The following ACSS3 variants were observed in gnomAD, a reference collection of about 807,000 sequenced individuals.
ACSS3 encodes the protein acyl-CoA synthetase short-chain family member 3, mitochondrial.
In ACSS3, 64 loss-of-function variants were observed where a neutral mutation model predicts 84.2. That is an observed-to-expected ratio of 0.76 (90% confidence interval 0.62 to 0.94). The LOEUF is 0.94. Ranked by LOEUF, ACSS3 falls within the 40% of genes least tolerant of loss-of-function variation. The pLI is 0.00. For synonymous variants in ACSS3, 317 were observed against 310.1 expected (o/e 1.02, Z -0.23); for missense variants, 815 against 867.6 (o/e 0.94, Z 0.76).
chr12:81,159,209 A>T (rs1887029445), intron 7 of ACSS3, among the ~76,000 whole-genome samples: 1 of 152,086 alleles, frequency 6.6e-6, no homozygotes, highest in African/African-American at 2.4e-5. Flanking sequence ...GAACACCTGT[A>T]TTTAAGTAGT....
Position 81,233,392 on chromosome 12 carries a change from G to A in ACSS3, c.1640G>A (p.Gly547Asp), listed in dbSNP as rs756610362. 74 of 1,610,908 alleles carry A rather than the reference G, an allele frequency of 4.6e-5. No homozygotes were observed. Among genetic ancestry groups the A allele is most frequent in the Non-Finnish European group, 6.3e-5 (74 of 1,177,874 alleles). Residue 547 changes from glycine to aspartate, a missense_variant, in exon 13 of 16, where the codon GGC becomes GAC. Transcript: ENST00000548058. ...TMDAGYMDEE[G>D]YLYVMSRVDD... Reference sequence around the variant, plus strand: ...GATGCTGGTTACATGGATGAAGAAGGCTATTTGTATGTTATGTCTCGAGTG... The same window carrying A: ...GATGCTGGTTACATGGATGAAGAAGACTATTTGTATGTTATGTCTCGAGTG...
intron 2 of ACSS3, among the ~76,000 whole-genome samples, chr12:81,131,066 C>A (rs982582954): frequency 6.6e-6 from 1 of 152,160 alleles, no homozygotes; most frequent in Non-Finnish European, 1.5e-5. Context: ...TAACGTGATG[C>A]CTCCAGCTTT....
chr12:81,213,838 C>CTTCTCTTCT (rs1334506223), intron 9 of ACSS3, among the ~76,000 whole-genome samples: 2 of 106,796 alleles, frequency 1.9e-5, no homozygotes, highest in African/African-American at 6.4e-5. Context: ...CTTCTCTTCT[C>CTTCTCTTCT]TTCTCTCCTC....
intron 7 of ACSS3, among the ~76,000 whole-genome samples, chr12:81,157,699 C>T (rs779792467): frequency 4.3e-4 from 66 of 151,858 alleles, no homozygotes; most frequent in Non-Finnish European, 1.5e-4. Context: ...CCCAGCTACT[C>T]GGGAGGCTGA....
intron 8 of ACSS3, among the ~76,000 whole-genome samples, chr12:81,189,865 A>AG (rs1424850171): frequency 1.3e-5 from 2 of 152,144 alleles, no homozygotes; most frequent in Non-Finnish European, 2.9e-5. Context: ...GACATGAAGT[A>AG]AGGCGCTGAG....
intron 15 of ACSS3, 116 bp downstream of exon 15, chr12:81,253,786 A>G (rs2136021077): frequency 3.0e-6 from 3 of 987,924 alleles, no homozygotes; most frequent in South Asian, 1.7e-5. Flanking sequence ...TAGAAAACAC[A>G]TAATAGTACT....
rs769687967 is a variant in ACSS3 at position 81,078,418 on chromosome 12, C to T, written c.298C>T (p.Pro100Ser). Reference sequence around the variant, plus strand: ...CAAAACGCTGGAGAACAAACACTCGCCCTCTACCAGGTGGTGAGTGACTTC... The same window carrying T: ...CAAAACGCTGGAGAACAAACACTCGTCCTCTACCAGGTGGTGAGTGACTTC... ...WTKTLENKHSPSTRWFVEGML... is the reference protein window; with the variant it reads ...WTKTLENKHSSSTRWFVEGML... Residue 100 changes from proline (P) to serine (S), a missense_variant, in exon 1 of 16, where the codon CCC becomes TCC. By Grantham distance (74) the Pro-to-Ser change is moderately conservative. Coordinates refer to ENST00000548058, the MANE Select transcript of ACSS3 (RefSeq NM_024560.4). 6.2e-7 allele frequency: 1 copy of T among 1,612,424 alleles called. No individual in the cohort carries two copies. The highest frequency in any genetic ancestry group is 8.5e-7 in the Non-Finnish European group (1 of 1,180,030).
rs2034361466 is a variant in ACSS3, at chr12:81,257,794, T to C, written c.*2872T>C. On this transcript the variant is annotated 3_prime_UTR_variant, in exon 16 of 16. Coordinates refer to ENST00000548058, the MANE Select transcript of ACSS3 (RefSeq NM_024560.4). ...AATCCATTAAATGGATTTTAGAATC[T>C]AGTAGAAGTTATCTTTCTTATAAAT... The C allele has an allele frequency of 1.3e-5, 2 of 152,280 alleles. No individual in the cohort carries two copies. The highest frequency in any genetic ancestry group is 2.1e-4 in the South Asian group (1 of 4,822). 9.4% of individuals were successfully genotyped at this position (152,280 alleles called of 1,614,324 possible).
intron 2 of ACSS3, 96 bp from the exon 3 acceptor site, chr12:81,134,720 C>G: frequency 1.8e-6 from 2 of 1,132,568 alleles, no homozygotes; most frequent in South Asian, 5.8e-5. Context: ...AATCTACTAC[C>G]AAGCGGGTGA....
rs1188963286 is a variant in ACSS3, at chr12:81,078,363, C to G, written c.243C>G (p.Ala81=). The G allele has an allele frequency of 8.7e-6, 14 of 1,612,504 alleles. No individual in the cohort carries two copies. In the Admixed American group the frequency reaches 2.3e-4, roughly 27 times the overall value. Residue 81 remains alanine (A), a synonymous_variant, in exon 1 of 16, where the codon GCC becomes GCG. Coordinates refer to ENST00000548058, the MANE Select transcript of ACSS3 (RefSeq NM_024560.4). ...TDPERFWGKA[A]EQISWYKPWT... Reference sequence around the variant, plus strand: ...CCGAGAGGTTCTGGGGCAAAGCTGCCGAGCAGATCAGCTGGTACAAGCCCT... The same window carrying G: ...CCGAGAGGTTCTGGGGCAAAGCTGCGGAGCAGATCAGCTGGTACAAGCCCT...
chr12:81,159,570 T>A (rs1437495765), intron 7 of ACSS3, among the ~76,000 whole-genome samples: 1 of 152,222 alleles, frequency 6.6e-6, no homozygotes, highest in Non-Finnish European at 1.5e-5. Context: ...TAGTCTTTAC[T>A]TTTGAGAGGA....
chr12:81,080,445 C>G (rs914003815), intron 1 of ACSS3, among the ~76,000 whole-genome samples: 2 of 151,850 alleles, frequency 1.3e-5, no homozygotes, highest in African/African-American at 4.8e-5. Context: ...AATTTGATAA[C>G]ACCGTATCTG....
At chr12:81,231,887 C>T (rs1183114406) in intron 12 of ACSS3, among the ~76,000 whole-genome samples, 8 of 151,570 alleles carry the variant, frequency 5.3e-5, no homozygotes, top group Non-Finnish European at 1.2e-4. Flanking sequence ...CCGCCTAACC[C>T]CAACAGGGAC....
intron 1 of ACSS3, among the ~76,000 whole-genome samples, chr12:81,085,930 GA>G (rs912662664): frequency 1.2e-3 from 185 of 150,258 alleles, no homozygotes; most frequent in African/African-American, 4.1e-3. Flanking sequence ...GTTTCAAAGG[GA>G]AAAAAAAAGT....
At chr12:81,150,453 G>T (rs747280654) in intron 5 of ACSS3, among the ~76,000 whole-genome samples, 1 of 152,194 alleles carries the variant, frequency 6.6e-6, no homozygotes, top group Non-Finnish European at 1.5e-5. Context: ...AACTAGCAAA[G>T]TGCATGGACG....
chr12:81,110,714 C>T (rs929560100), intron 2 of ACSS3, among the ~76,000 whole-genome samples: 5 of 152,152 alleles, frequency 3.3e-5, no homozygotes, highest in African/African-American at 9.7e-5. Flanking sequence ...AACCCCACCT[C>T]CCTGAGTTGT....
At chr12:81,204,664 A>G (rs1479396746) in intron 9 of ACSS3, among the ~76,000 whole-genome samples, 1 of 152,142 alleles carries the variant, frequency 6.6e-6, no homozygotes, top group Non-Finnish European at 1.5e-5. Context: ...GAAGGGTTTA[A>G]TTCAACAAAA....
chr12:81,109,051 ATTC>A (rs1257973624), intron 1 of ACSS3, among the ~76,000 whole-genome samples: 1 of 152,224 alleles, frequency 6.6e-6, no homozygotes, highest in Non-Finnish European at 1.5e-5. Flanking sequence ...GAGCTTATCT[ATTC>A]TTTGTGAAAT....
At position 81,204,131 on chromosome 12, in the gene ACSS3, AT is replaced by A. The variant is rs954231536; in HGVS notation, c.1354+4697del. 1.6e-4 allele frequency among the ~76,000 whole-genome samples: 24 copies of A among 150,068 alleles called. No homozygotes were observed. In the East Asian group the frequency reaches 2.7e-3, roughly 17 times the overall value. On this transcript the variant is annotated intron_variant, in intron 9 of 15. Transcript: ENST00000548058. The stretch of plus-strand genomic sequence containing the variant: ...TGCAGTGCATGGTGGCCTTCGTGGG[AT>A]TTTTTTTTTCTTGTGATTTAAGATC...
Sources: gnomAD v4.1 joint callset for allele counts (sites outside exome capture counted in the v4.1 genomes callset) on GRCh38, gnomAD v4.1.1 for gene constraint, MANE v1.5 for transcripts, NCBI Gene and HGNC (gene_info 2026-07-23, HGNC 2026-07-21) for gene names.